FAM168A: variants seen among roughly 807,000 people sequenced by gnomAD.
FAM168A encodes family with sequence similarity 168 member A.
Under a neutral mutation model 28.5 loss-of-function variants are expected in FAM168A, and 3 were observed. The observed-to-expected ratio is 0.11, with a 90% CI of 0.05 to 0.27. The LOEUF (loss-of-function observed/expected upper bound fraction) is 0.27, where lower values mean the gene tolerates loss of function less well. Among genes scored for constraint, FAM168A ranks in the 10% least tolerant of loss-of-function variants. The probability of loss-of-function intolerance (pLI) is 1.00; values close to 1 mark genes in which losing one functional copy is unlikely to be tolerated. For missense variants in FAM168A, 222 were observed against 311.5 expected (o/e 0.71, Z 2.16); for synonymous variants, 122 against 124.2 (o/e 0.98, Z 0.12).
At chr11:73,432,325 T>C (rs935831129) in intron 2 of FAM168A, among the ~76,000 whole-genome samples, 1 of 152,222 alleles carries the variant, frequency 6.6e-6, no homozygotes, top group Non-Finnish European at 1.5e-5. Flanking sequence ...GGTAATTCTA[T>C]GTTTAGCTTT....
At chr11:73,470,218 A>G (rs1436728527) in intron 1 of FAM168A, among the ~76,000 whole-genome samples, 11 of 152,148 alleles carry the variant, frequency 7.2e-5, no homozygotes, top group Non-Finnish European at 1.6e-4. Flanking sequence ...CCGATCATAG[A>G]TGTTAAAATA....
At position 73,517,754 on chromosome 11, in the gene FAM168A, G is replaced by A. The variant is rs142487415; in HGVS notation, c.-18-49262C>T. 6.9e-3 allele frequency among the ~76,000 whole-genome samples: 1,050 copies of A among 152,252 alleles called. 9 individuals are homozygous for A. The highest frequency in any genetic ancestry group is 0.022 in the African/African-American group (918 of 41,550). On this transcript the variant is annotated intron_variant, in intron 1 of 7. Coordinates refer to ENST00000356467, the MANE Select transcript of FAM168A (RefSeq NM_015159.3). ...AATTACTTTTTGAAATACCCAATAT[G>A]ACCTTCAGTGTTTTTTAACACGAAG... is the stretch of plus-strand genomic sequence containing the variant.
chr11:73,405,085 G>A lies in FAM168A; in HGVS notation c.*1678C>T, dbSNP rs865918495. ...GGCCTCATCCTCATTCTCCTCTCCT[G>A]ATGACTCCCACTGTCTTCCTCCTCT... On this transcript the variant is annotated 3_prime_UTR_variant, in exon 8 of 8. Coordinates refer to ENST00000356467, the MANE Select transcript of FAM168A (RefSeq NM_015159.3). The A allele has an allele frequency of 6.6e-5, 10 of 152,218 alleles. No homozygotes were observed. Among genetic ancestry groups the A allele is most frequent in the South Asian group, 4.1e-4 (2 of 4,826 alleles). The allele number at this position is 152,218 out of a possible 1,614,324, so 9.4% of individuals were successfully genotyped here.
At chr11:73,442,997 T>TATGC (rs1555020518) in intron 2 of FAM168A, among the ~76,000 whole-genome samples, 1 of 130,406 alleles carries the variant, frequency 7.7e-6, no homozygotes, top group Non-Finnish European at 1.6e-5. Flanking sequence ...TATATATATA[T>TATGC]GCCAAGCCTT....
intron 2 of FAM168A, among the ~76,000 whole-genome samples, chr11:73,445,614 G>A (rs778985542): frequency 1.4e-4 from 21 of 151,750 alleles, no homozygotes; most frequent in Admixed American, 6.6e-4. Context: ...GTTGTTTCCA[G>A]AGACTTTGTC....
intron 1 of FAM168A, among the ~76,000 whole-genome samples, chr11:73,586,640 C>T (rs1944316706): frequency 6.6e-6 from 1 of 152,168 alleles, no homozygotes; most frequent in Non-Finnish European, 1.5e-5. Flanking sequence ...CTTGTCTAGA[C>T]TACTTCTTTC....
At chr11:73,576,649 C>A (rs1340502835) in intron 1 of FAM168A, among the ~76,000 whole-genome samples, 6 of 152,114 alleles carry the variant, frequency 3.9e-5, no homozygotes, top group Non-Finnish European at 7.4e-5. Context: ...TACATGCCCC[C>A]CAACTCAAAG....
chr11:73,413,395 C>T (rs891462274), intron 4 of FAM168A, among the ~76,000 whole-genome samples: 2 of 152,140 alleles, frequency 1.3e-5, no homozygotes, highest in African/African-American at 4.8e-5. Context: ...ACTGGAAGTG[C>T]AACTATGAGC....
chr11:73,578,393 T>C lies in FAM168A; in HGVS notation c.-19+19530A>G, dbSNP rs373436756. On this transcript the variant is annotated intron_variant, in intron 1 of 7. Coordinates refer to ENST00000356467, the MANE Select transcript of FAM168A (RefSeq NM_015159.3). ...GTGGTGATGGTTTCATGGGTGTATA[T>C]GTATGTCAAAACTTAGCAAATTGTA... Among the ~76,000 whole-genome samples, 6 of 152,332 alleles carry C rather than the reference T, an allele frequency of 3.9e-5. No homozygotes were observed. In the East Asian group the frequency reaches 7.7e-4, roughly 20 times the overall value.
At position 73,544,663 on chromosome 11, in the gene FAM168A, A is replaced by ATTATATATAATTATATATAATTATATATT. The variant is rs1565291288; in HGVS notation, c.-19+53231_-19+53259dup. Reference sequence around the variant, plus strand: ...TGAAAAAATATATACAATTACATATATTATATATAATTATATATAATTATA... The same window carrying ATTATATATAATTATATATAATTATATATT: ...TGAAAAAATATATACAATTACATATATTATATATAATTATATATAATTATATATTTTATATATAATTATATATAATTATA... On this transcript the variant is annotated intron_variant, in intron 1 of 7. Coordinates refer to ENST00000356467, the MANE Select transcript of FAM168A (RefSeq NM_015159.3). Among the ~76,000 whole-genome samples, 969 of 128,922 alleles carry ATTATATATAATTATATATAATTATATATT rather than the reference A, an allele frequency of 7.5e-3. 45 individuals are homozygous for ATTATATATAATTATATATAATTATATATT. The highest frequency in any genetic ancestry group is 0.023 in the African/African-American group (737 of 31,930). The allele number at this position is 128,922 out of a possible 152,430, so 84.6% of individuals were successfully genotyped here.
At chr11:73,568,103 T>C (rs1321167175) in intron 1 of FAM168A, among the ~76,000 whole-genome samples, 1 of 152,200 alleles carries the variant, frequency 6.6e-6, no homozygotes, top group Admixed American at 6.5e-5. Context: ...CGGTACCTTT[T>C]AGATTGGAGA....
chr11:73,548,922 C>G (rs1943792822), intron 1 of FAM168A, among the ~76,000 whole-genome samples: 1 of 152,022 alleles, frequency 6.6e-6, no homozygotes, highest in Non-Finnish European at 1.5e-5. Flanking sequence ...AGGAGTGAAC[C>G]ACCACACCTG....
Position 73,514,733 on chromosome 11 carries a change from T to G in FAM168A, c.-18-46241A>C, listed in dbSNP as rs118005300. 9.8e-4 allele frequency among the ~76,000 whole-genome samples: 149 copies of G among 151,986 alleles called. 3 individuals carry two copies. The East Asian group carries it at 0.027, about 27-fold the overall frequency. On this transcript the variant is annotated intron_variant, in intron 1 of 7. Coordinates refer to ENST00000356467, the MANE Select transcript of FAM168A (RefSeq NM_015159.3). ...CTGTAGTCCCAGCTACTCAGAAGGG[T>G]GAGGTAGGAAGATCACCTGAACCCA...
At chr11:73,440,043 G>A (rs1386866903) in intron 2 of FAM168A, among the ~76,000 whole-genome samples, 7 of 151,860 alleles carry the variant, frequency 4.6e-5, no homozygotes, top group Middle Eastern at 6.8e-3. Context: ...CTGCCACCGC[G>A]CCCAGCTAAT....
intron 2 of FAM168A, among the ~76,000 whole-genome samples, chr11:73,460,497 TGC>T: frequency 2.7e-5 from 4 of 146,700 alleles, no homozygotes; most frequent in Admixed American, 6.8e-5. Context: ...AGGCTACTAA[TGC>T]TTTTTTTTTT....
At chr11:73,515,348 A>C (rs1329225817) in intron 1 of FAM168A, among the ~76,000 whole-genome samples, 3 of 152,104 alleles carry the variant, frequency 2.0e-5, no homozygotes, top group African/African-American at 7.2e-5. Flanking sequence ...CATCTCTGCC[A>C]AAAATACAAA....
chr11:73,575,656 G>C (rs771654120), intron 1 of FAM168A, among the ~76,000 whole-genome samples: 1 of 152,050 alleles, frequency 6.6e-6, no homozygotes, highest in Non-Finnish European at 1.5e-5. Flanking sequence ...GATCACCTGA[G>C]GTCAGGAGTT....
At chr11:73,575,757 T>C (rs1944164839) in intron 1 of FAM168A, among the ~76,000 whole-genome samples, 1 of 151,958 alleles carries the variant, frequency 6.6e-6, no homozygotes, top group African/African-American at 2.4e-5. Context: ...TACTCCCAGC[T>C]ACTCGGGAGG....
At chr11:73,558,751 C>T (rs1021920523) in intron 1 of FAM168A, among the ~76,000 whole-genome samples, 3 of 151,956 alleles carry the variant, frequency 2.0e-5, no homozygotes, top group Admixed American at 6.6e-5. Context: ...TATATTATGC[C>T]ATACTCATTA....
Sources: allele counts gnomAD v4.1 joint callset (sites outside exome capture counted in the v4.1 genomes callset), GRCh38; gene constraint gnomAD v4.1.1; transcripts MANE v1.5; gene names NCBI Gene and HGNC (gene_info 2026-07-23, HGNC 2026-07-21).